The following ERC2 variants were observed in gnomAD, a reference collection of about 807,000 sequenced individuals.
The protein encoded by ERC2 is ELKS/RAB6-interacting/CAST family member 2, also known as ERC protein 2.
A neutral mutation model predicts 114.8 loss-of-function variants in ERC2; 42 were observed. The observed-to-expected ratio is 0.37, with a 90% CI of 0.29 to 0.47. The LOEUF is 0.47. Ranked by LOEUF, ERC2 falls within the 20% of genes least tolerant of loss-of-function variation. The pLI, the probability that ERC2 is intolerant of heterozygous loss-of-function variation, is 0.99. For synonymous variants in ERC2, 454 were observed against 425.5 expected (o/e 1.07, Z -0.82); for missense variants, 939 against 1,150.7 (o/e 0.82, Z 2.66).
intron 14 of ERC2, among the ~76,000 whole-genome samples, chr3:55,843,301 T>C (rs2061216775): frequency 6.6e-6 from 1 of 152,170 alleles, no homozygotes; most frequent in African/African-American, 2.4e-5. Flanking sequence ...GTTTTTAGGG[T>C]GGCAGAGGGA....
At chr3:56,188,104 C>T (rs977061537) in intron 3 of ERC2, among the ~76,000 whole-genome samples, 1 of 152,148 alleles carries the variant, frequency 6.6e-6, no homozygotes, top group Non-Finnish European at 1.5e-5. Context: ...ACTAAGTCCA[C>T]TGCAAGGATC....
At chr3:55,835,218 C>T (rs146598039) in intron 14 of ERC2, among the ~76,000 whole-genome samples, 26,993 of 151,744 alleles carry the variant, frequency 0.18, 3,517 homozygotes, top group African/African-American at 0.36. Flanking sequence ...TTCCAACGAA[C>T]AGAAAAAGAG....
chr3:55,969,006 A>G (rs1026731344), intron 12 of ERC2, among the ~76,000 whole-genome samples: 2 of 152,172 alleles, frequency 1.3e-5, no homozygotes, highest in African/African-American at 4.8e-5. Context: ...ATCCTTGCTT[A>G]TCAAGATAAC....
chr3:55,727,795 T>A (rs948619710), intron 15 of ERC2, among the ~76,000 whole-genome samples: 2 of 152,058 alleles, frequency 1.3e-5, no homozygotes, highest in Non-Finnish European at 2.9e-5. Context: ...GCCCAAGAAA[T>A]TGGAGGAGAT....
intron 1 of ERC2, among the ~76,000 whole-genome samples, chr3:56,463,479 G>T (rs1476724178): frequency 6.6e-6 from 1 of 152,144 alleles, no homozygotes; most frequent in Non-Finnish European, 1.5e-5. Flanking sequence ...TCTTGGGAAG[G>T]TGAGGTGGGC....
At chr3:55,880,632 G>T (rs560354055) in intron 14 of ERC2, among the ~76,000 whole-genome samples, 5 of 152,236 alleles carry the variant, frequency 3.3e-5, no homozygotes, top group Middle Eastern at 3.4e-3. Flanking sequence ...TGTTCTAGCT[G>T]ATTTAAATAC....
At chr3:56,124,739 G>GAT (rs2079779232) in intron 6 of ERC2, among the ~76,000 whole-genome samples, 1 of 152,106 alleles carries the variant, frequency 6.6e-6, no homozygotes, top group Non-Finnish European at 1.5e-5. Flanking sequence ...ATCTAGAGAT[G>GAT]ACGAGCACCA....
At chr3:55,663,346 G>A (rs1349056746) in intron 17 of ERC2, among the ~76,000 whole-genome samples, 1 of 152,220 alleles carries the variant, frequency 6.6e-6, no homozygotes, top group East Asian at 1.9e-4. Flanking sequence ...GGAGGAACTT[G>A]CTGTCTGCAG....
At chr3:55,624,812 A>C (rs747266086) in intron 17 of ERC2, among the ~76,000 whole-genome samples, 1 of 152,122 alleles carries the variant, frequency 6.6e-6, no homozygotes, top group African/African-American at 2.4e-5. Context: ...AAAAGGAAGA[A>C]AAAAAATGAG....
intron 14 of ERC2, among the ~76,000 whole-genome samples, chr3:55,742,552 GA>G (rs2066031374): frequency 6.6e-6 from 1 of 152,198 alleles, no homozygotes; most frequent in South Asian, 2.1e-4. Context: ...ACATATAAGA[GA>G]AAGCCTACAT....
At chr3:56,466,056 A>G (rs1484310589) in intron 1 of ERC2, among the ~76,000 whole-genome samples, 1 of 152,278 alleles carries the variant, frequency 6.6e-6, no homozygotes, top group Non-Finnish European at 1.5e-5. Context: ...CTAGTTACTC[A>G]TCTATAATTT....
chr3:55,713,545 C>T (rs2063908827), intron 15 of ERC2, among the ~76,000 whole-genome samples: 1 of 152,170 alleles, frequency 6.6e-6, no homozygotes, highest in African/African-American at 2.4e-5. Context: ...TAGACTTATA[C>T]TGACTAAATT....
chr3:56,252,959 C>T (rs904257636), intron 3 of ERC2, among the ~76,000 whole-genome samples: 1 of 152,108 alleles, frequency 6.6e-6, no homozygotes, highest in Non-Finnish European at 1.5e-5. Context: ...ATGGGCACCC[C>T]AGGGAACCTA....
intron 17 of ERC2, among the ~76,000 whole-genome samples, chr3:55,650,600 G>A (rs1461854779): frequency 6.6e-6 from 1 of 152,174 alleles, no homozygotes; most frequent in Non-Finnish European, 1.5e-5. Flanking sequence ...GGTAATCTAT[G>A]AGGGCAGAGT....
intron 13 of ERC2, among the ~76,000 whole-genome samples, chr3:55,890,705 C>T (rs1446131083): frequency 6.6e-6 from 1 of 152,184 alleles, no homozygotes; most frequent in East Asian, 1.9e-4. Context: ...GATGGAGAAG[C>T]CACTGGCCTC....
At chr3:55,793,814 T>C (rs768969089) in intron 14 of ERC2, among the ~76,000 whole-genome samples, 9 of 152,072 alleles carry the variant, frequency 5.9e-5, no homozygotes, top group East Asian at 1.9e-4. Context: ...CAGAGAGCAA[T>C]AGAAAAACTT....
intron 17 of ERC2, among the ~76,000 whole-genome samples, chr3:55,652,529 A>T (rs1015526156): frequency 2.0e-5 from 3 of 152,082 alleles, no homozygotes; most frequent in African/African-American, 7.2e-5. Flanking sequence ...ACTTCATGCC[A>T]GGTAAGGGCT....
intron 14 of ERC2, among the ~76,000 whole-genome samples, chr3:55,807,209 G>C (rs1413283871): frequency 6.6e-6 from 1 of 152,188 alleles, no homozygotes; most frequent in Non-Finnish European, 1.5e-5. Flanking sequence ...CCAGGCACTA[G>C]AGTAAAAGTT....
intron 3 of ERC2, among the ~76,000 whole-genome samples, chr3:56,281,979 G>A (rs1323818063): frequency 1.3e-5 from 2 of 152,154 alleles, no homozygotes; most frequent in East Asian, 1.9e-4. Flanking sequence ...CAACTGATCC[G>A]AGGGCAACTC....
Sources: allele counts gnomAD v4.1 joint callset (sites outside exome capture counted in the v4.1 genomes callset), GRCh38; gene constraint gnomAD v4.1.1; transcripts MANE v1.5; gene names NCBI Gene and HGNC (gene_info 2026-07-23, HGNC 2026-07-21).